The following AFG1L variants were observed in gnomAD, a reference collection of about 807,000 sequenced individuals.
AFG1L encodes AFG1 like ATPase.
Under a neutral mutation model 62.2 loss-of-function variants are expected in AFG1L, and 53 were observed. The observed-to-expected ratio is 0.85, with a 90% CI of 0.68 to 1.07. The LOEUF is 1.07. Ranked by LOEUF, AFG1L falls within the 50% of genes least tolerant of loss-of-function variation. The pLI is 0.00. For missense variants in AFG1L, 555 were observed against 590.5 expected, an observed-to-expected ratio of 0.94 and a Z score of 0.62; for synonymous variants, 228 against 210.3, an observed-to-expected ratio of 1.08 and a Z score of -0.73.
chr6:108,449,485 T>C (rs190210300), intron 8 of AFG1L, among the ~76,000 whole-genome samples: 1 of 152,184 alleles, frequency 6.6e-6, no homozygotes, highest in African/African-American at 2.4e-5. Context: ...GCTAGAGATG[T>C]GTATTATATT....
At chr6:108,480,921 T>C (rs1773300839) in intron 10 of AFG1L, among the ~76,000 whole-genome samples, 1 of 152,226 alleles carries the variant, frequency 6.6e-6, no homozygotes, top group African/African-American at 2.4e-5. Context: ...ACAGACATCC[T>C]CCAGTCCTGA....
intron 6 of AFG1L, among the ~76,000 whole-genome samples, chr6:108,401,233 C>T (rs1197313436): frequency 6.7e-5 from 10 of 149,968 alleles, no homozygotes; most frequent in African/African-American, 2.2e-4. Context: ...AGCTCCGCTT[C>T]CCGGGTTCAC....
chr6:108,343,339 C>A (rs898951594), intron 2 of AFG1L, among the ~76,000 whole-genome samples: 1 of 144,302 alleles, frequency 6.9e-6, no homozygotes, highest in African/African-American at 2.4e-5. Flanking sequence ...TGAGCCACCA[C>A]GCCCGGCCAA....
chr6:108,425,248 A>G (rs1197263047), intron 7 of AFG1L, among the ~76,000 whole-genome samples: 1 of 152,158 alleles, frequency 6.6e-6, no homozygotes, highest in Non-Finnish European at 1.5e-5. Context: ...AGGGTTACAC[A>G]TGGTAGACAT....
At chr6:108,462,921 C>T (rs1486441300) in intron 8 of AFG1L, among the ~76,000 whole-genome samples, 1 of 152,140 alleles carries the variant, frequency 6.6e-6, no homozygotes, top group South Asian at 2.1e-4. Flanking sequence ...GATCAATCTG[C>T]TGCATAAGAA....
At chr6:108,356,157 C>A (rs995133885) in intron 4 of AFG1L, among the ~76,000 whole-genome samples, 3 of 152,170 alleles carry the variant, frequency 2.0e-5, no homozygotes, top group Non-Finnish European at 4.4e-5. Flanking sequence ...TACGTTATTT[C>A]ACTTTTGCAT....
intron 1 of AFG1L, among the ~76,000 whole-genome samples, chr6:108,303,888 A>G (rs960622663): frequency 6.6e-6 from 1 of 152,228 alleles, no homozygotes; most frequent in Non-Finnish European, 1.5e-5. Context: ...GTATGTGAAC[A>G]GGGTGAATAT....
intron 7 of AFG1L, among the ~76,000 whole-genome samples, chr6:108,429,552 A>G (rs1315061341): frequency 6.6e-6 from 1 of 152,166 alleles, no homozygotes; most frequent in East Asian, 1.9e-4. Context: ...GCCAAACCAT[A>G]TCAGTATACT....
intron 1 of AFG1L, among the ~76,000 whole-genome samples, chr6:108,307,774 A>G (rs1222217301): frequency 1.3e-5 from 2 of 152,218 alleles, no homozygotes; most frequent in Non-Finnish European, 2.9e-5. Flanking sequence ...TAAAATGGTT[A>G]TATCAGTGTA....
In AFG1L at chr6:108,407,489, A is replaced by G. The variant is rs549038530; in HGVS notation, c.807+5435A>G. ...AGGCCAAGAGTTTGAGACCAGCCTGAGCAACATAGTGAGTGCCCATCTTTA... is the reference window on the plus strand; with the variant it reads ...AGGCCAAGAGTTTGAGACCAGCCTGGGCAACATAGTGAGTGCCCATCTTTA... On this transcript the variant is annotated intron_variant, in intron 7 of 12. Coordinates refer to ENST00000368977, the MANE Select transcript of AFG1L (RefSeq NM_145315.5). 5.9e-5 allele frequency among the ~76,000 whole-genome samples: 9 copies of G among 152,206 alleles called. No homozygotes were observed. The South Asian group carries it at 1.9e-3, about 32-fold the overall frequency.
chr6:108,465,125 T>C (rs1772613287), intron 8 of AFG1L, among the ~76,000 whole-genome samples: 1 of 152,240 alleles, frequency 6.6e-6, no homozygotes, highest in African/African-American at 2.4e-5. Context: ...GTCAAGATAC[T>C]CTTCTTTGTG....
chr6:108,402,090 C>T (rs373116766), intron 7 of AFG1L, 36 bp downstream of exon 7: 1 of 1,066,580 alleles, frequency 9.4e-7, no homozygotes, highest in South Asian at 1.7e-5. Flanking sequence ...TTACTAAGAT[C>T]ATACTTATTG....
chr6:108,300,963 C>T (rs1321158207), intron 1 of AFG1L, among the ~76,000 whole-genome samples: 7 of 152,226 alleles, frequency 4.6e-5, no homozygotes, highest in African/African-American at 1.2e-4. Flanking sequence ...TGAGCCACCA[C>T]GCCCGGCCTG....
intron 8 of AFG1L, among the ~76,000 whole-genome samples, chr6:108,448,658 G>A (rs2114753911): frequency 6.6e-6 from 1 of 152,156 alleles, no homozygotes; most frequent in African/African-American, 2.4e-5. Context: ...TTGGAGCGTA[G>A]CCATTTTTTG....
chr6:108,356,039 C>T (rs9486866), intron 4 of AFG1L, among the ~76,000 whole-genome samples: 4,122 of 152,220 alleles, frequency 0.027, 178 homozygotes, highest in African/African-American at 0.094. Context: ...TAAAAATGCA[C>T]CTGTTTAAAT....
intron 3 of AFG1L, among the ~76,000 whole-genome samples, chr6:108,349,301 T>C (rs1363399343): frequency 6.6e-6 from 1 of 151,364 alleles, no homozygotes; most frequent in East Asian, 2.0e-4. Flanking sequence ...CTGGGCAACA[T>C]GGCAAAACCC....
At chr6:108,312,383 T>TA (rs1193986126) in intron 1 of AFG1L, among the ~76,000 whole-genome samples, 26 of 151,204 alleles carry the variant, frequency 1.7e-4, no homozygotes, top group Non-Finnish European at 3.4e-4. Flanking sequence ...TACAAAAAAG[T>TA]AAAAAAAATA....
intron 10 of AFG1L, among the ~76,000 whole-genome samples, chr6:108,503,655 T>G (rs1774290202): frequency 6.6e-6 from 1 of 152,210 alleles, no homozygotes; most frequent in Non-Finnish European, 1.5e-5. Context: ...GAGCATTGGC[T>G]TCAACTTAAA....
chr6:108,298,522 T>G (rs1776856910), intron 1 of AFG1L, among the ~76,000 whole-genome samples: 1 of 152,162 alleles, frequency 6.6e-6, no homozygotes, highest in African/African-American at 2.4e-5. Flanking sequence ...CATCTTGGCC[T>G]CCCAAAGTGT....
Sources: gnomAD v4.1 joint callset for allele counts (sites outside exome capture counted in the v4.1 genomes callset) on GRCh38, gnomAD v4.1.1 for gene constraint, MANE v1.5 for transcripts, NCBI Gene and HGNC (gene_info 2026-07-23, HGNC 2026-07-21) for gene names.